Variants in SPECC1L observed in about 807,000 individuals in gnomAD.
SPECC1L encodes sperm antigen with calponin homology and coiled-coil domains 1 like, also known as cytospin-A.
SPECC1L carries 40 observed loss-of-function variants against 116.8 expected under a neutral mutation model. The ratio of observed to expected loss-of-function variants is 0.34; its 90% CI spans 0.27 to 0.45. The LOEUF (loss-of-function observed/expected upper bound fraction) is 0.45, where lower values mean the gene tolerates loss of function less well. SPECC1L is among the 20% of genes least tolerant of loss of function. SPECC1L has a pLI of 1.00. For synonymous variants in SPECC1L, 504 were observed against 500.6 expected, an observed-to-expected ratio of 1.01 and a Z score of -0.09; for missense variants, 1,110 against 1,373.6, an observed-to-expected ratio of 0.81 and a Z score of 3.03.
At chr22:24,313,019 A>AT (rs1488053847) in intron 3 of SPECC1L, among the ~76,000 whole-genome samples, 1 of 152,220 alleles carries the variant, frequency 6.6e-6, no homozygotes, top group Non-Finnish European at 1.5e-5. Flanking sequence ...CCAAGATATC[A>AT]TGTGCTATCC....
In SPECC1L at chr22:24,321,456, C is replaced by G; in HGVS notation, c.476C>G (p.Ala159Gly). The G allele has an allele frequency of 6.2e-7, 1 of 1,614,256 alleles. No individual in the cohort carries two copies. The highest frequency in any genetic ancestry group is 8.5e-7 in the Non-Finnish European group (1 of 1,180,044). The change falls in exon 5 of 17, where the codon GCT (alanine) becomes GGT (glycine). Residue 159 changes from alanine to glycine, a missense_variant. Around this residue, in one of 4 missense-constraint regions of SPECC1L, gnomAD observed 437 missense variants for 482.6 expected, o/e 0.91. Coordinates refer to ENST00000314328, the MANE Select transcript of SPECC1L (RefSeq NM_015330.6). ...GCCAAACGTTCCCGCAGTCGAACTGCTACAGAATGTGACGTTCGTATGAGC... is the reference window on the plus strand; with the variant it reads ...GCCAAACGTTCCCGCAGTCGAACTGGTACAGAATGTGACGTTCGTATGAGC... The part of the protein sequence containing the change: ...ALAKRSRSRT[A>G]TECDVRMSKS...
At chr22:24,407,971 C>T (rs528222244) in intron 14 of SPECC1L, among the ~76,000 whole-genome samples, 14 of 152,306 alleles carry the variant, frequency 9.2e-5, no homozygotes, top group African/African-American at 3.4e-4. Context: ...CTATGATACA[C>T]CTCACTTTGA....
intron 3 of SPECC1L, among the ~76,000 whole-genome samples, chr22:24,310,815 CT>C (rs1289882923): frequency 6.6e-6 from 1 of 151,892 alleles, no homozygotes; most frequent in Admixed American, 6.6e-5. Context: ...AACATTTTAA[CT>C]TTTTTTAATT....
At chr22:24,289,049 G>GT (rs1182951005) in intron 2 of SPECC1L, among the ~76,000 whole-genome samples, 1 of 152,174 alleles carries the variant, frequency 6.6e-6, no homozygotes, top group Non-Finnish European at 1.5e-5. Context: ...ATAGATTGAT[G>GT]TTTTGAATTA....
At position 24,302,281 on chromosome 22, in the gene SPECC1L, T is replaced by C. The variant is rs2049397040; in HGVS notation, c.50T>C (p.Ile17Thr). The C allele has an allele frequency of 6.2e-7, 1 of 1,614,050 alleles. No homozygotes were observed. Among genetic ancestry groups the C allele is most frequent in the East Asian group, 2.2e-5 (1 of 44,864 alleles). Residue 17 changes from isoleucine (I) to threonine (T), a missense_variant, in exon 3 of 17, where the codon ATA becomes ACA. Physicochemically the swap from Ile to Thr is moderately conservative, Grantham distance 89. Transcript: ENST00000314328. ...GGCTCAGTGCCTAAAGTGTCTGCAA[T>C]AAGTAAAACGCAAACAGCAGAAAAA... Reference protein sequence around the residue: ...SVGSVPKVSAISKTQTAEKIK... With the variant: ...SVGSVPKVSATSKTQTAEKIK...
Position 24,414,970 on chromosome 22 carries a change from A to G in SPECC1L, c.*347A>G, listed in dbSNP as rs1032692658. Reference sequence around the variant, plus strand: ...GCTCATGCACAGCTGAATTTGGGAAAAGGGATTCAGTTCTGTGGGAAACTC... The same window carrying G: ...GCTCATGCACAGCTGAATTTGGGAAGAGGGATTCAGTTCTGTGGGAAACTC... On this transcript the variant is annotated 3_prime_UTR_variant, in exon 17 of 17. Coordinates refer to ENST00000314328, the MANE Select transcript of SPECC1L (RefSeq NM_015330.6). 3 of 330,110 alleles carry G rather than the reference A, an allele frequency of 9.1e-6. No homozygotes were observed. The highest frequency in any genetic ancestry group is 1.8e-5 in the Non-Finnish European group (3 of 168,982). 20.4% of individuals were successfully genotyped at this position (330,110 alleles called of 1,614,324 possible). A position where few individuals can be genotyped will look rare whatever the true frequency, so the allele number is the denominator to read the frequency against.
At chr22:24,397,563 T>C (rs908828866) in intron 14 of SPECC1L, among the ~76,000 whole-genome samples, 12 of 152,240 alleles carry the variant, frequency 7.9e-5, no homozygotes, top group African/African-American at 2.9e-4. Context: ...ACAATAATGA[T>C]GCATTCAGAA....
intron 10 of SPECC1L, among the ~76,000 whole-genome samples, chr22:24,340,599 G>A (rs1196297212): frequency 1.3e-5 from 2 of 152,108 alleles, no homozygotes; most frequent in African/African-American, 4.8e-5. Context: ...TAATGTATGA[G>A]GCATCACTTT....
chr22:24,351,553 C>G (rs1160595535), intron 11 of SPECC1L, among the ~76,000 whole-genome samples: 1 of 152,072 alleles, frequency 6.6e-6, no homozygotes, highest in Non-Finnish European at 1.5e-5. Flanking sequence ...TGTTGTCATG[C>G]CTTAGTGGAG....
chr22:24,304,503 G>A (rs1004246475), intron 3 of SPECC1L: 4 of 152,360 alleles, frequency 2.6e-5, no homozygotes, highest in Admixed American at 6.5e-5. Context: ...GTGTCATTGG[G>A]CTTGCAGCCT....
At chr22:24,376,519 G>T (rs1332176271) in intron 14 of SPECC1L, among the ~76,000 whole-genome samples, 1 of 152,118 alleles carries the variant, frequency 6.6e-6, no homozygotes, top group Non-Finnish European at 1.5e-5. Flanking sequence ...GGAGGCACAA[G>T]TCTAATACAC....
At chr22:24,292,769 C>T (rs1569407110) in intron 2 of SPECC1L, among the ~76,000 whole-genome samples, 2 of 152,070 alleles carry the variant, frequency 1.3e-5, no homozygotes, top group Non-Finnish European at 2.9e-5. Context: ...CCTTAGAGTC[C>T]AACTTCCTTT....
rs1363140243 is a variant in SPECC1L, at chr22:24,405,989, C to T, written c.3088-5599C>T. On this transcript the variant is annotated intron_variant, in intron 14 of 16. Transcript: ENST00000314328. The stretch of plus-strand genomic sequence containing the variant: ...GGAAGTGTCAAACCTGGCTCAGACC[C>T]CTGTCCGCAAGCTTCATACTGGTGG... Among the ~76,000 whole-genome samples, 4 of 152,092 alleles carry T rather than the reference C, an allele frequency of 2.6e-5. No homozygotes were observed. In the East Asian group the frequency reaches 5.8e-4, roughly 22 times the overall value.
chr22:24,305,877 A>G (rs891399580), intron 3 of SPECC1L, among the ~76,000 whole-genome samples: 1 of 152,022 alleles, frequency 6.6e-6, no homozygotes, highest in Non-Finnish European at 1.5e-5. Flanking sequence ...GAGCAGTGGC[A>G]TTAATTTGCA....
intron 14 of SPECC1L, among the ~76,000 whole-genome samples, chr22:24,400,748 C>T (rs373864376): frequency 4.6e-5 from 7 of 152,318 alleles, no homozygotes; most frequent in Admixed American, 1.3e-4. Flanking sequence ...AAATAATAGC[C>T]ATCCTAATGG....
At chr22:24,368,369 A>G (rs1416286776) in intron 13 of SPECC1L, among the ~76,000 whole-genome samples, 1 of 152,242 alleles carries the variant, frequency 6.6e-6, no homozygotes, top group Non-Finnish European at 1.5e-5. Flanking sequence ...GTGAGCTTAC[A>G]GAGAAATTCC....
chr22:24,322,412 G>A lies in SPECC1L; in HGVS notation c.1432G>A (p.Val478Ile). 6.2e-7 allele frequency: 1 copy of A among 1,614,192 alleles called. No individual in the cohort carries two copies. The highest frequency in any genetic ancestry group is 8.5e-7 in the Non-Finnish European group (1 of 1,180,032). Residue 478 changes from valine (V) to isoleucine (I), a missense_variant, in exon 5 of 17, where the codon GTC (valine) becomes ATC (isoleucine). By Grantham distance (29) the Val-to-Ile change is conservative. Coordinates refer to ENST00000314328, the MANE Select transcript of SPECC1L (RefSeq NM_015330.6). The stretch of plus-strand genomic sequence containing the variant: ...TCTAGATGAGCATCACATTTCTTAT[G>A]TCATAGATGAAGATGTAAAAAGTGG... ...SLLDEHHISYVIDEDVKSGRY... is the reference protein window; with the variant it reads ...SLLDEHHISYIIDEDVKSGRY...
At chr22:24,332,961 G>A (rs980050216) in intron 8 of SPECC1L, among the ~76,000 whole-genome samples, 3 of 152,158 alleles carry the variant, frequency 2.0e-5, no homozygotes, top group Admixed American at 6.5e-5. Flanking sequence ...GGGCGCAGTG[G>A]CTCATGCCTG....
chr22:24,388,222 T>TCCCTCCC (rs1173503948), intron 14 of SPECC1L, among the ~76,000 whole-genome samples: 1 of 122,734 alleles, frequency 8.1e-6, no homozygotes, highest in Non-Finnish European at 1.7e-5. Flanking sequence ...CCTAATGCTA[T>TCCCTCCC]CCCTCCCCCC....
Sources: gnomAD v4.1 joint callset for allele counts (sites outside exome capture counted in the v4.1 genomes callset) on GRCh38, gnomAD v4.1.1 for gene constraint, gnomAD v4.1.1 regional missense constraint, MANE v1.5 for transcripts, NCBI Gene and HGNC (gene_info 2026-07-23, HGNC 2026-07-21) for gene names.